AP4E1: variants seen among roughly 807,000 people sequenced by gnomAD.
AP4E1 encodes AP-4 complex subunit epsilon-1.
AP4E1 carries 56 observed loss-of-function variants against 128.2 expected under a neutral mutation model. The observed-to-expected ratio is 0.44, with a 90% confidence interval of 0.35 to 0.55. AP4E1 has a LOEUF of 0.55. AP4E1 is among the 20% of genes least tolerant of loss of function. AP4E1 has a pLI of 0.00. For synonymous variants in AP4E1, 484 were observed against 473.1 expected (o/e 1.02, Z -0.30); for missense variants, 1,324 against 1,307.7 (o/e 1.01, Z -0.19).
rs2064121744 is a variant in AP4E1, at chr15:50,949,888, A to G, written c.1379A>G (p.Asp460Gly). 6.2e-7 allele frequency: 1 copy of G among 1,613,788 alleles called. No individual in the cohort carries two copies. Among genetic ancestry groups the G allele is most frequent in the Non-Finnish European group, 8.5e-7 (1 of 1,179,804 alleles). ...TMNAVFSVGG[D>G]VMHPDIPNNF... ...AATGCTGTGTTTTCAGTAGGAGGAG[A>G]TGTAATGCATCCTGATATTCCCAAT... Residue 460 changes from aspartate (D) to glycine (G), a missense_variant, in exon 12 of 21, where the codon GAT (aspartate) becomes GGT (glycine). Transcript: ENST00000261842.
chr15:50,953,361 C>T (rs2140869829), intron 13 of AP4E1, among the ~76,000 whole-genome samples: 1 of 152,256 alleles, frequency 6.6e-6, no homozygotes, highest in East Asian at 1.9e-4. Flanking sequence ...TTGCTTTCTG[C>T]AGTTTTAGTT....
chr15:50,951,726 CTTTT>C (rs71127166), intron 13 of AP4E1, among the ~76,000 whole-genome samples: 2 of 126,018 alleles, frequency 1.6e-5, no homozygotes. Context: ...AATTTTCTTT[CTTTT>C]TTTTTTTTTT....
intron 8 of AP4E1, among the ~76,000 whole-genome samples, chr15:50,935,673 G>T (rs1246030151): frequency 6.6e-6 from 1 of 152,158 alleles, no homozygotes; most frequent in Non-Finnish European, 1.5e-5. Context: ...AGTAGGAAAT[G>T]AAGAGCATTA....
At chr15:50,919,597 A>G (rs1161517739) in intron 3 of AP4E1, among the ~76,000 whole-genome samples, 1 of 151,940 alleles carries the variant, frequency 6.6e-6, no homozygotes, top group African/African-American at 2.4e-5. Flanking sequence ...TTATGCTGTA[A>G]TTAATAACCT....
chr15:50,930,097 C>T (rs1048613430), intron 6 of AP4E1, among the ~76,000 whole-genome samples: 11 of 147,970 alleles, frequency 7.4e-5, no homozygotes, highest in African/African-American at 2.3e-4. Flanking sequence ...GATTGAGTTT[C>T]GCTTTTGTTG....
At chr15:50,943,806 A>G (rs2064020839) in intron 10 of AP4E1, among the ~76,000 whole-genome samples, 2 of 152,208 alleles carry the variant, frequency 1.3e-5, no homozygotes, top group African/African-American at 4.8e-5. Context: ...CTGGTAGCAT[A>G]TACAGTGTGA....
Position 50,908,706 on chromosome 15 carries a change from C to G in AP4E1, c.-73C>G. On this transcript the variant is annotated 5_prime_UTR_variant, in exon 1 of 21. Transcript: ENST00000261842. ...GAAGTGCCTACGGAGGCCGGGCCGG[C>G]AGCGGCGGCCGGGCATGAAGCCGGG... The G allele has an allele frequency of 7.2e-7, 1 of 1,393,814 alleles. No individual in the cohort carries two copies. Among genetic ancestry groups the G allele is most frequent in the Non-Finnish European group, 9.3e-7 (1 of 1,076,926 alleles). 86.3% of individuals were successfully genotyped at this position (1,393,814 alleles called of 1,614,324 possible).
chr15:50,966,647 C>T (rs953806376), intron 14 of AP4E1, among the ~76,000 whole-genome samples: 2 of 150,972 alleles, frequency 1.3e-5, no homozygotes, highest in East Asian at 3.9e-4. Flanking sequence ...AAGTGATTCT[C>T]CTGTCTCAGC....
At position 50,930,976 on chromosome 15, in the gene AP4E1, A is replaced by T; in HGVS notation, c.869+5A>T. 1.2e-6 allele frequency: 2 copies of T among 1,614,084 alleles called. No homozygotes were observed. The highest frequency in any genetic ancestry group is 1.7e-6 in the Non-Finnish European group (2 of 1,179,994). ...TCTAGGAAAAGATGATCAAAGGTAA[A>T]CTATTTTCAGTAAGTTTGCTTAATG... On this transcript the variant is annotated splice_donor_5th_base_variant and intron_variant, in intron 7 of 20. Coordinates refer to ENST00000261842, the MANE Select transcript of AP4E1 (RefSeq NM_007347.5).
At chr15:50,936,944 A>G (rs992839471) in intron 8 of AP4E1, among the ~76,000 whole-genome samples, 1 of 152,190 alleles carries the variant, frequency 6.6e-6, no homozygotes, top group African/African-American at 2.4e-5. Context: ...TGTCTCAAAA[A>G]AAAAAAATGA....
At chr15:50,922,801 C>G (rs1347469171) in intron 3 of AP4E1, among the ~76,000 whole-genome samples, 2 of 150,492 alleles carry the variant, frequency 1.3e-5, no homozygotes, top group African/African-American at 4.9e-5. Context: ...TTTTTGAGAC[C>G]GAGTCTTGCT....
In AP4E1 at chr15:50,923,673, A is replaced by G. The variant is rs111707232; in HGVS notation, c.347-258A>G. Among the ~76,000 whole-genome samples the G allele has an allele frequency of 2.1e-3, 325 of 152,340 alleles. 2 individuals are homozygous for G. Among genetic ancestry groups the G allele is most frequent in the African/African-American group, 7.6e-3 (315 of 41,594 alleles). On this transcript the variant is annotated intron_variant, in intron 3 of 20. Coordinates refer to ENST00000261842, the MANE Select transcript of AP4E1 (RefSeq NM_007347.5). The stretch of plus-strand genomic sequence containing the variant: ...AAGGCATGTCTTCTTAGTGCCATTT[A>G]CAAGATTTTAAGTTGATACACATAG...
chr15:50,958,902 T>A, intron 14 of AP4E1, 108 bp downstream of exon 14: 6 of 1,211,174 alleles, frequency 5.0e-6, no homozygotes, highest in Non-Finnish European at 7.3e-6. Flanking sequence ...TTCTGTAGCA[T>A]TTAAGGTGAA....
intron 14 of AP4E1, among the ~76,000 whole-genome samples, chr15:50,960,556 G>GA (rs1464549680): frequency 2.6e-4 from 39 of 152,014 alleles, no homozygotes; most frequent in African/African-American, 8.7e-4. Flanking sequence ...AGAAGAAAAT[G>GA]AAAAAATTTC....
At chr15:51,001,316 G>T in intron 20 of AP4E1, 133 bp downstream of exon 20, 1 of 821,872 alleles carries the variant, frequency 1.2e-6, no homozygotes, top group Non-Finnish European at 1.9e-6. Flanking sequence ...AGATGAATGT[G>T]TTTTTCAGAC....
intron 15 of AP4E1, among the ~76,000 whole-genome samples, chr15:50,976,048 T>C (rs2064546302): frequency 6.6e-6 from 1 of 152,172 alleles, no homozygotes; most frequent in African/African-American, 2.4e-5. Flanking sequence ...TCTAAACTTA[T>C]TTTATGAGAC....
intron 13 of AP4E1, among the ~76,000 whole-genome samples, chr15:50,951,555 G>C (rs1265945682): frequency 6.6e-6 from 1 of 152,132 alleles, no homozygotes; most frequent in African/African-American, 2.4e-5. Context: ...TTAGAGAAGT[G>C]ATATGGTATG....
chr15:50,980,315 G>C (rs573390833), intron 15 of AP4E1, among the ~76,000 whole-genome samples: 39 of 152,314 alleles, frequency 2.6e-4, no homozygotes, highest in African/African-American at 8.7e-4. Flanking sequence ...GGGCTTTATG[G>C]AAGACAGAAT....
chr15:50,915,362 A>C (rs2063617226), intron 2 of AP4E1, 86 bp from the exon 3 acceptor site: 2 of 1,375,688 alleles, frequency 1.5e-6, no homozygotes, highest in South Asian at 2.4e-5. Context: ...GGATTAAAGG[A>C]TTCTCCTTTT....
Sources: allele counts gnomAD v4.1 joint callset (sites outside exome capture counted in the v4.1 genomes callset), GRCh38; gene constraint gnomAD v4.1.1; transcripts MANE v1.5; gene names NCBI Gene and HGNC (gene_info 2026-07-23, HGNC 2026-07-21).